Variants in EGFR observed in about 807,000 individuals in gnomAD.
EGFR encodes avian erythroblastic leukemia viral (v-erb-b) oncogene homolog.
EGFR carries 58 observed loss-of-function variants against 143.0 expected under a neutral mutation model. That is an observed-to-expected ratio of 0.41 (90% CI 0.33 to 0.50). EGFR has a LOEUF of 0.50. EGFR is among the 20% of genes least tolerant of loss of function. The probability of loss-of-function intolerance (pLI) is 0.39; values close to 1 mark genes in which losing one functional copy is unlikely to be tolerated. For missense variants in EGFR, 1,307 were observed against 1,579.0 expected (o/e 0.83, Z 2.92); for synonymous variants, 613 against 594.4 (o/e 1.03, Z -0.45).
chr7:55,025,783 G>T (rs1786846615), intron 1 of EGFR, among the ~76,000 whole-genome samples: 3 of 152,302 alleles, frequency 2.0e-5, no homozygotes, highest in South Asian at 4.1e-4. Flanking sequence ...TTCTCTCTAG[G>T]TGAGGCTGCT....
At chr7:55,171,148 T>C (rs376196815) in intron 15 of EGFR, 27 bp from the exon 16 acceptor site, 1 of 1,613,924 alleles carries the variant, frequency 6.2e-7, no homozygotes, top group African/African-American at 1.3e-5. Context: ...ATGAGAAAAA[T>C]GTATATTTCT....
At chr7:55,166,040 A>T (rs1432124100) in intron 15 of EGFR, among the ~76,000 whole-genome samples, 1 of 151,994 alleles carries the variant, frequency 6.6e-6, no homozygotes, top group Non-Finnish European at 1.5e-5. Flanking sequence ...AGTCCCAGCT[A>T]CTCAGGAGGC....
chr7:55,204,433 TACAC>T (rs770914662), intron 27 of EGFR, among the ~76,000 whole-genome samples: 2 of 142,058 alleles, frequency 1.4e-5, no homozygotes. Flanking sequence ...TGTACACATG[TACAC>T]ACACACCACA....
chr7:55,034,147 G>A (rs1787422834), intron 1 of EGFR, among the ~76,000 whole-genome samples: 1 of 152,164 alleles, frequency 6.6e-6, no homozygotes, highest in Non-Finnish European at 1.5e-5. Flanking sequence ...TGGAGCACTT[G>A]GCCCTTTCGG....
In EGFR at chr7:55,112,945, C is replaced by T. The variant is rs189511784; in HGVS notation, c.89-29341C>T. Among the ~76,000 whole-genome samples, 438 of 152,270 alleles carry T rather than the reference C, an allele frequency of 2.9e-3. 2 individuals carry two copies. Among genetic ancestry groups the T allele is most frequent in the African/African-American group, 3.8e-3 (156 of 41,556 alleles). On this transcript the variant is annotated intron_variant, in intron 1 of 27. Coordinates refer to ENST00000275493, the MANE Select transcript of EGFR (RefSeq NM_005228.5). Reference sequence around the variant, plus strand: ...ATAATGGGAATCAACCTTATCTTGACGATCCAGAGATAGTCATCAAGGAAG... The same window carrying T: ...ATAATGGGAATCAACCTTATCTTGATGATCCAGAGATAGTCATCAAGGAAG...
chr7:55,032,888 C>A (rs1348651771), intron 1 of EGFR, among the ~76,000 whole-genome samples: 5 of 152,114 alleles, frequency 3.3e-5, no homozygotes, highest in African/African-American at 1.2e-4. Flanking sequence ...GAATTTACTA[C>A]CTTTGCAGGG....
chr7:55,070,901 G>T (rs147535100), intron 1 of EGFR, among the ~76,000 whole-genome samples: 1 of 152,374 alleles, frequency 6.6e-6, no homozygotes, highest in East Asian at 1.9e-4. Context: ...AAAGCCGGCA[G>T]ATCCTAGGAG....
chr7:55,032,228 T>C (rs1222636090), intron 1 of EGFR, among the ~76,000 whole-genome samples: 1 of 152,170 alleles, frequency 6.6e-6, no homozygotes, highest in East Asian at 1.9e-4. Flanking sequence ...AACTAATTAA[T>C]ACCCAGTGAT....
At chr7:55,057,062 C>T (rs527297544) in intron 1 of EGFR, among the ~76,000 whole-genome samples, 2 of 152,328 alleles carry the variant, frequency 1.3e-5, no homozygotes, top group South Asian at 4.1e-4. Flanking sequence ...GGTGGTGCGA[C>T]TGCCATCCTC....
At chr7:55,118,657 A>G (rs931997142) in intron 1 of EGFR, among the ~76,000 whole-genome samples, 1 of 152,182 alleles carries the variant, frequency 6.6e-6, no homozygotes, top group African/African-American at 2.4e-5. Flanking sequence ...CCACTGGCAC[A>G]TGACAAGTCA....
chr7:55,155,823 T>C lies in EGFR; in HGVS notation c.890-7T>C, dbSNP rs1468061089. The C allele has an allele frequency of 6.2e-7, 1 of 1,613,138 alleles. No individual in the cohort carries two copies. Among genetic ancestry groups the C allele is most frequent in the Non-Finnish European group, 8.5e-7 (1 of 1,179,178 alleles). On this transcript the variant is annotated splice_polypyrimidine_tract_variant and splice_region_variant and intron_variant, in intron 7 of 27. Transcript: ENST00000275493. The stretch of plus-strand genomic sequence containing the variant: ...TCATCACCTTCCTTTCATGCTCTCT[T>C]CCCCAGGTAATTATGTGGTGACAGA...
intron 1 of EGFR, among the ~76,000 whole-genome samples, chr7:55,048,489 G>T (rs1788305209): frequency 6.6e-6 from 1 of 152,204 alleles, no homozygotes; most frequent in Non-Finnish European, 1.5e-5. Flanking sequence ...GGCCTTCCAT[G>T]ATGCTTTCAA....
intron 1 of EGFR, among the ~76,000 whole-genome samples, chr7:55,047,973 A>G (rs1011357059): frequency 1.3e-5 from 2 of 152,148 alleles, no homozygotes; most frequent in African/African-American, 4.8e-5. Context: ...TAAATATATA[A>G]GTGAAAAAAT....
At chr7:55,025,706 G>A (rs1178213723) in intron 1 of EGFR, among the ~76,000 whole-genome samples, 1 of 152,120 alleles carries the variant, frequency 6.6e-6, no homozygotes, top group Non-Finnish European at 1.5e-5. Context: ...CAGTTTCCTG[G>A]CTCCACCTGT....
rs2128969901 is a variant in EGFR, at chr7:55,200,366, G to A, written c.2899G>A (p.Glu967Lys). The A allele has an allele frequency of 1.2e-6, 2 of 1,614,004 alleles. No homozygotes were observed. The highest frequency in any genetic ancestry group is 2.2e-5 in the East Asian group (1 of 44,868). The change falls in exon 24 of 28, where the codon GAA becomes AAA. Residue 967 changes from glutamate (E) to lysine (K), a missense_variant. Physicochemically the swap from Glu to Lys is moderately conservative, Grantham distance 56. This residue lies in a region of EGFR where 348 missense variants were observed against 451.5 expected (regional missense o/e 0.77). Coordinates refer to ENST00000275493, the MANE Select transcript of EGFR (RefSeq NM_005228.5). Reference sequence around the variant, plus strand: ...CCCAAAGTTCCGTGAGTTGATCATCGAATTCTCCAAAATGGCCCGAGACCC... The same window carrying A: ...CCCAAAGTTCCGTGAGTTGATCATCAAATTCTCCAAAATGGCCCGAGACCC... Reference protein sequence around the residue: ...SRPKFRELIIEFSKMARDPQR... With the variant: ...SRPKFRELIIKFSKMARDPQR...
chr7:55,121,964 G>A (rs762962250), intron 1 of EGFR, among the ~76,000 whole-genome samples: 5 of 152,172 alleles, frequency 3.3e-5, no homozygotes, highest in East Asian at 1.9e-4. Flanking sequence ...TCTTTAATCC[G>A]CATTAGGGGC....
At chr7:55,040,529 T>C (rs1787842430) in intron 1 of EGFR, among the ~76,000 whole-genome samples, 1 of 152,222 alleles carries the variant, frequency 6.6e-6, no homozygotes, top group South Asian at 2.1e-4. Flanking sequence ...ATTTCAGAGC[T>C]GGTTGAAAAT....
chr7:55,183,328 T>C (rs978106807), intron 20 of EGFR, among the ~76,000 whole-genome samples: 1 of 152,222 alleles, frequency 6.6e-6, no homozygotes, highest in African/African-American at 2.4e-5. Context: ...CACTCCGCTA[T>C]GTGTATAAAT....
intron 1 of EGFR, among the ~76,000 whole-genome samples, chr7:55,126,347 C>T (rs1036794710): frequency 7.2e-5 from 11 of 152,226 alleles, no homozygotes; most frequent in African/African-American, 2.7e-4. Context: ...CAACAGCAAC[C>T]ACTTACATGA....
Sources: gnomAD v4.1 joint callset for allele counts (sites outside exome capture counted in the v4.1 genomes callset) on GRCh38, gnomAD v4.1.1 for gene constraint, gnomAD v4.1.1 regional missense constraint, MANE v1.5 for transcripts, NCBI Gene and HGNC (gene_info 2026-07-23, HGNC 2026-07-21) for gene names.